The following BAG3 variants were observed in gnomAD, a reference collection of about 807,000 sequenced individuals.
BAG3 encodes BAG cochaperone 3.
BAG3 carries 14 observed loss-of-function variants against 40.5 expected under a neutral mutation model. The observed-to-expected ratio is 0.35, with a 90% confidence interval of 0.23 to 0.54. The LOEUF is 0.54. Among genes scored for constraint, BAG3 ranks in the 20% least tolerant of loss-of-function variants. The pLI is 0.91. For synonymous variants in BAG3, 302 were observed against 307.8 expected, an observed-to-expected ratio of 0.98 and a Z score of 0.20; for missense variants, 788 against 758.6, an observed-to-expected ratio of 1.04 and a Z score of -0.46.
At chr10:119,654,133 C>G (rs558889775) in intron 1 of BAG3, among the ~76,000 whole-genome samples, 4 of 152,206 alleles carry the variant, frequency 2.6e-5, no homozygotes, top group Non-Finnish European at 5.9e-5. Flanking sequence ...TATCAGGTTG[C>G]ACTTGTGTGA....
Position 119,677,422 on chromosome 10 carries a change from A to C in BAG3, c.*140A>C. 2.1e-6 allele frequency: 2 copies of C among 963,616 alleles called. No homozygotes were observed. The highest frequency in any genetic ancestry group is 3.2e-6 in the Non-Finnish European group (2 of 615,694). 59.7% of individuals were successfully genotyped at this position (963,616 alleles called of 1,614,324 possible). A position where few individuals can be genotyped will look rare whatever the true frequency, so the allele number is the denominator to read the frequency against. The stretch of plus-strand genomic sequence containing the variant: ...TAACTTGGGTGGAGGCAAAACACTA[A>C]TAAAAGGGCTAAAAAGGAAAATGAT... On this transcript the variant is annotated 3_prime_UTR_variant, in exon 4 of 4. Coordinates refer to ENST00000369085, the MANE Select transcript of BAG3 (RefSeq NM_004281.4).
chr10:119,674,762 A>G (rs1461763430), intron 3 of BAG3, among the ~76,000 whole-genome samples: 1 of 151,730 alleles, frequency 6.6e-6, no homozygotes, highest in Non-Finnish European at 1.5e-5. Flanking sequence ...TAAGGTCAGG[A>G]GTTCAAGACT....
intron 1 of BAG3, among the ~76,000 whole-genome samples, chr10:119,661,092 TCAAAAA>T (rs1846985711): frequency 6.8e-6 from 1 of 146,692 alleles, no homozygotes. Context: ...AATCTTCGTC[TCAAAAA>T]CAAAAACAAA....
chr10:119,665,526 G>A (rs984519479), intron 1 of BAG3, among the ~76,000 whole-genome samples: 2 of 151,870 alleles, frequency 1.3e-5, no homozygotes, highest in Admixed American at 6.6e-5. Context: ...TGATCCACCC[G>A]CCTCGGCCTC....
At chr10:119,664,066 G>A (rs1847027649) in intron 1 of BAG3, among the ~76,000 whole-genome samples, 1 of 152,192 alleles carries the variant, frequency 6.6e-6, no homozygotes, top group African/African-American at 2.4e-5. Context: ...CAGAGCCAGC[G>A]TTAGGACCAA....
chr10:119,671,870 C>A (rs900383058), intron 2 of BAG3, among the ~76,000 whole-genome samples: 1 of 152,086 alleles, frequency 6.6e-6, no homozygotes, highest in African/African-American at 2.4e-5. Context: ...ATCACTGCAA[C>A]CTCTGCCTCC....
chr10:119,651,515 TG>T lies in BAG3; in HGVS notation c.-159del. On this transcript the variant is annotated 5_prime_UTR_variant, in exon 1 of 4. Coordinates refer to ENST00000369085, the MANE Select transcript of BAG3 (RefSeq NM_004281.4). Reference sequence around the variant, plus strand: ...ATTTCCAGACACTTCCACCCCTCTCTGGCCACGTCACCCCCGCCTTTAATTC... The same window carrying T: ...ATTTCCAGACACTTCCACCCCTCTCTGCCACGTCACCCCCGCCTTTAATTC... 1.7e-6 allele frequency: 1 copy of T among 577,408 alleles called. No homozygotes were observed. Among genetic ancestry groups the T allele is most frequent in the Non-Finnish European group, 2.7e-6 (1 of 371,028 alleles). The allele number at this position is 577,408 out of a possible 1,614,324, so 35.8% of individuals were successfully genotyped here.
chr10:119,672,116 T>TTTGAAAA lies in BAG3; in HGVS notation c.508-129_508-123dup. 8.0e-7 allele frequency: 1 copy of TTTGAAAA among 1,252,722 alleles called. No individual in the cohort carries two copies. Among genetic ancestry groups the TTTGAAAA allele is most frequent in the South Asian group, 1.2e-5 (1 of 80,252 alleles). 77.6% of individuals were successfully genotyped at this position (1,252,722 alleles called of 1,614,324 possible). On this transcript the variant is annotated intron_variant, in intron 2 of 3. Coordinates refer to ENST00000369085, the MANE Select transcript of BAG3 (RefSeq NM_004281.4). The surrounding 1 kb of genome is among the most constrained non-coding windows in gnomAD (Gnocchi z 4.8). ...AGAGCTCTCAGTCTTAACCGCACAT[T>TTTGAAAA]TTGAAAATTGAAAATTACAGATAGG...
intron 1 of BAG3, among the ~76,000 whole-genome samples, chr10:119,668,687 TAGCC>T (rs1847100504): frequency 6.6e-6 from 1 of 152,298 alleles, no homozygotes; most frequent in South Asian, 2.1e-4. Flanking sequence ...GGTCCCAAAA[TAGCC>T]AGGCCACTGA....
At chr10:119,663,855 C>T (rs1847024368) in intron 1 of BAG3, among the ~76,000 whole-genome samples, 1 of 152,166 alleles carries the variant, frequency 6.6e-6, no homozygotes, top group African/African-American at 2.4e-5. Flanking sequence ...TAGGCTTCCT[C>T]ACACACCTAC....
Position 119,676,452 on chromosome 10 carries a change from T to A in BAG3, c.910-12T>A. The A allele has an allele frequency of 6.2e-7, 1 of 1,613,584 alleles. No homozygotes were observed. On this transcript the variant is annotated splice_polypyrimidine_tract_variant and intron_variant, in intron 3 of 3. Coordinates refer to ENST00000369085, the MANE Select transcript of BAG3 (RefSeq NM_004281.4). The stretch of plus-strand genomic sequence containing the variant: ...CAGTTATTAAAAATATATTTTTGTG[T>A]CCTTTTTTCAGCAGCCCATGACCCA...
intron 1 of BAG3, among the ~76,000 whole-genome samples, chr10:119,654,679 C>T (rs568338532): frequency 8.0e-4 from 122 of 152,370 alleles, no homozygotes; most frequent in Admixed American, 1.9e-3. Flanking sequence ...TTTCTGCACA[C>T]TTGGGCTTCC....
At chr10:119,658,532 C>G (rs1846946268) in intron 1 of BAG3, among the ~76,000 whole-genome samples, 1 of 152,226 alleles carries the variant, frequency 6.6e-6, no homozygotes, top group Non-Finnish European at 1.5e-5. Context: ...AGGTCTGAGC[C>G]TCAGCCGAGC....
intron 1 of BAG3, among the ~76,000 whole-genome samples, chr10:119,658,672 G>A (rs1247759820): frequency 2.6e-5 from 4 of 152,216 alleles, no homozygotes; most frequent in Non-Finnish European, 5.9e-5. Context: ...GACAGGAGTA[G>A]CAGAAAGGTT....
At chr10:119,670,452 A>T (rs1420639396) in intron 2 of BAG3, among the ~76,000 whole-genome samples, 1 of 152,230 alleles carries the variant, frequency 6.6e-6, no homozygotes, top group East Asian at 1.9e-4. Flanking sequence ...GGCACACTGC[A>T]GCCTGCCTGC....
At chr10:119,671,633 C>T (rs1052980884) in intron 2 of BAG3, among the ~76,000 whole-genome samples, 3 of 152,168 alleles carry the variant, frequency 2.0e-5, no homozygotes, top group Non-Finnish European at 2.9e-5. Flanking sequence ...AGGTGACTGA[C>T]CTCATCTTCA....
At chr10:119,653,540 G>A (rs1846871244) in intron 1 of BAG3, among the ~76,000 whole-genome samples, 1 of 152,182 alleles carries the variant, frequency 6.6e-6, no homozygotes, top group Non-Finnish European at 1.5e-5. Flanking sequence ...TGGTGCATGG[G>A]TTAGGCTGTG....
intron 3 of BAG3, among the ~76,000 whole-genome samples, chr10:119,673,287 C>T (rs1381840186): frequency 2.0e-5 from 3 of 152,206 alleles, no homozygotes; most frequent in Non-Finnish European, 2.9e-5. Context: ...CGGGGCATTT[C>T]AGAAGTGTTC....
chr10:119,659,735 C>T (rs1180864553), intron 1 of BAG3, among the ~76,000 whole-genome samples: 2 of 152,180 alleles, frequency 1.3e-5, no homozygotes, highest in Admixed American at 6.5e-5. Flanking sequence ...CTTGTAGGGT[C>T]GTGTCTGGAG....
Sources: gnomAD v4.1 joint callset for allele counts (sites outside exome capture counted in the v4.1 genomes callset) on GRCh38, gnomAD v4.1.1 for gene constraint, Gnocchi (gnomAD v3.1) non-coding constraint, MANE v1.5 for transcripts, NCBI Gene and HGNC (gene_info 2026-07-23, HGNC 2026-07-21) for gene names.